The following ADAMTS3 variants were observed in gnomAD, a reference collection of about 807,000 sequenced individuals.
ADAMTS3 encodes the protein A disintegrin and metalloproteinase with thrombospondin motifs 3.
In ADAMTS3, 73 loss-of-function variants were observed where a neutral mutation model predicts 129.0. The ratio of observed to expected loss-of-function variants is 0.57; its 90% CI spans 0.47 to 0.69. The LOEUF is 0.69. Ranked by LOEUF, ADAMTS3 falls within the 30% of genes least tolerant of loss-of-function variation. ADAMTS3 has a pLI of 0.00. For missense variants in ADAMTS3, 1,457 were observed against 1,514.5 expected (o/e 0.96, Z 0.63); for synonymous variants, 477 against 510.8 (o/e 0.93, Z 0.89).
At chr4:72,342,452 C>T (rs1318101528) in intron 4 of ADAMTS3, among the ~76,000 whole-genome samples, 1 of 151,208 alleles carries the variant, frequency 6.6e-6, no homozygotes, top group East Asian at 2.0e-4. Context: ...CAACCTCTGC[C>T]TCCCCGGTTC....
At chr4:72,359,788 T>C (rs931184679) in intron 4 of ADAMTS3, among the ~76,000 whole-genome samples, 2 of 152,218 alleles carry the variant, frequency 1.3e-5, no homozygotes, top group East Asian at 1.9e-4. Context: ...CACATTACCA[T>C]TTAATGTATT....
Position 72,568,815 on chromosome 4 carries a change from A to AAAC in ADAMTS3, c.-54_-53insGTT. The AAAC allele has an allele frequency of 3.5e-6, 4 of 1,149,994 alleles. No homozygotes were observed. Among genetic ancestry groups the AAAC allele is most frequent in the Non-Finnish European group, 3.5e-6 (3 of 850,602 alleles). The allele number at this position is 1,149,994 out of a possible 1,614,324, so 71.2% of individuals were successfully genotyped here. A position where few individuals can be genotyped will look rare whatever the true frequency, so the allele number is the denominator to read the frequency against. ...TGGGCAAAGCAAATGCCCAGAGCAA[A>AAAC]CCCACCCCCCCCGCCCAAAATAAGT... is the stretch of plus-strand genomic sequence containing the variant. On this transcript the variant is annotated 5_prime_UTR_variant, in exon 1 of 22. Coordinates refer to ENST00000286657, the MANE Select transcript of ADAMTS3 (RefSeq NM_014243.3).
At chr4:72,479,108 G>A (rs1212756850) in intron 3 of ADAMTS3, among the ~76,000 whole-genome samples, 4 of 152,138 alleles carry the variant, frequency 2.6e-5, no homozygotes, top group African/African-American at 9.7e-5. Context: ...CCTGAGAATG[G>A]CCATACTGCC....
chr4:72,363,026 AG>A (rs1720768733), intron 4 of ADAMTS3, among the ~76,000 whole-genome samples: 2 of 152,104 alleles, frequency 1.3e-5, no homozygotes, highest in Admixed American at 6.6e-5. Context: ...CAGGAACTAC[AG>A]GATCCAAAAT....
Position 72,319,476 on chromosome 4 carries a change from C to T in ADAMTS3, c.1209-1G>A. On this transcript the variant is annotated splice_acceptor_variant, in intron 8 of 21. Coordinates refer to ENST00000286657, the MANE Select transcript of ADAMTS3 (RefSeq NM_014243.3). LOFTEE classifies it high-confidence loss of function. Reference sequence around the variant, plus strand: ...TTGTCCATCATGCTCCATTCCCAACCTAGAACACAAAGAGACCTCAGTGGT... The same window carrying T: ...TTGTCCATCATGCTCCATTCCCAACTTAGAACACAAAGAGACCTCAGTGGT... The T allele has an allele frequency of 6.2e-7, 1 of 1,609,426 alleles. No individual in the cohort carries two copies. The highest frequency in any genetic ancestry group is 8.5e-7 in the Non-Finnish European group (1 of 1,178,766).
chr4:72,520,921 C>T (rs569466495), intron 3 of ADAMTS3, among the ~76,000 whole-genome samples: 5 of 152,210 alleles, frequency 3.3e-5, no homozygotes, highest in African/African-American at 1.2e-4. Flanking sequence ...CAGAAATCAC[C>T]CGTCTTCTGC....
intron 4 of ADAMTS3, among the ~76,000 whole-genome samples, chr4:72,360,817 G>A (rs1247678895): frequency 6.6e-6 from 1 of 151,150 alleles, no homozygotes; most frequent in Non-Finnish European, 1.5e-5. Context: ...TTCTCTCTTG[G>A]TACAAAACAT....
intron 2 of ADAMTS3, among the ~76,000 whole-genome samples, chr4:72,565,097 C>T (rs987100717): frequency 2.0e-5 from 3 of 152,150 alleles, no homozygotes; most frequent in African/African-American, 7.2e-5. Flanking sequence ...TATATGCACC[C>T]TCCTACATCT....
intron 3 of ADAMTS3, among the ~76,000 whole-genome samples, chr4:72,499,534 T>C: frequency 6.6e-6 from 1 of 152,162 alleles, no homozygotes; most frequent in South Asian, 2.1e-4. Flanking sequence ...ACTTCCTATA[T>C]TACACCGACC....
chr4:72,283,825 G>A (rs1300900492), intron 21 of ADAMTS3, 121 bp from the exon 22 acceptor site: 2 of 757,300 alleles, frequency 2.6e-6, no homozygotes, highest in Non-Finnish European at 4.1e-6. Context: ...ACTAACGGGA[G>A]TGATCCACAC....
At position 72,548,498 on chromosome 4, in the gene ADAMTS3, T is replaced by C; in HGVS notation, c.484A>G (p.Ile162Val). Residue 162 changes from isoleucine (I) to valine (V), a missense_variant, in exon 3 of 22, where the codon ATC (isoleucine) becomes GTC (valine). Physicochemically the swap from Ile to Val is conservative, Grantham distance 29. Transcript: ENST00000286657. ...CTTACCAGACCATCACAGTTGCTGA[T>C]GGCAACAGAGGTTCCTGGAATGTCC... ...IVDIPGTSVAISNCDGLAGMI... is the reference protein window; with the variant it reads ...IVDIPGTSVAVSNCDGLAGMI... 3 of 1,613,778 alleles carry C rather than the reference T, an allele frequency of 1.9e-6. No individual in the cohort carries two copies. Among genetic ancestry groups the C allele is most frequent in the Non-Finnish European group, 1.7e-6 (2 of 1,179,764 alleles).
At chr4:72,310,524 C>T (rs974538404) in intron 14 of ADAMTS3, among the ~76,000 whole-genome samples, 2 of 151,926 alleles carry the variant, frequency 1.3e-5, no homozygotes, top group African/African-American at 4.8e-5. Flanking sequence ...ACTATGAACA[C>T]AAGAAATAAA....
At chr4:72,481,045 A>C (rs1719421522) in intron 3 of ADAMTS3, among the ~76,000 whole-genome samples, 1 of 152,158 alleles carries the variant, frequency 6.6e-6, no homozygotes, top group African/African-American at 2.4e-5. Flanking sequence ...TATTGGTGAA[A>C]GAAATCAAAG....
At chr4:72,444,095 C>T (rs570453221) in intron 3 of ADAMTS3, among the ~76,000 whole-genome samples, 4 of 151,890 alleles carry the variant, frequency 2.6e-5, no homozygotes, top group African/African-American at 7.2e-5. Flanking sequence ...GCAGGCTGCA[C>T]AGCTATTATG....
At chr4:72,373,889 C>A (rs545923398) in intron 4 of ADAMTS3, among the ~76,000 whole-genome samples, 217 of 146,706 alleles carry the variant, frequency 1.5e-3, no homozygotes, top group African/African-American at 5.1e-3. Context: ...GTCAGCAAGA[C>A]CCCATCTCAA....
intron 2 of ADAMTS3, among the ~76,000 whole-genome samples, chr4:72,556,171 C>G (rs1375075649): frequency 8.4e-6 from 1 of 118,410 alleles, no homozygotes; most frequent in African/African-American, 3.2e-5. Flanking sequence ...ACCAATGGCT[C>G]TGTCTGGAAG....
intron 19 of ADAMTS3, among the ~76,000 whole-genome samples, chr4:72,292,982 C>A (rs1428758166): frequency 6.6e-6 from 1 of 152,106 alleles, no homozygotes. Flanking sequence ...TACCTCCATT[C>A]CCTCCTAAGA....
chr4:72,443,693 G>GA (rs35934839), intron 3 of ADAMTS3, among the ~76,000 whole-genome samples: 42,705 of 142,768 alleles, frequency 0.3, 6,469 homozygotes, highest in East Asian at 0.45. Context: ...CGTTCGAATG[G>GA]AAAAAAAAAA....
intron 4 of ADAMTS3, among the ~76,000 whole-genome samples, chr4:72,348,731 T>C (rs898867296): frequency 6.6e-6 from 1 of 151,824 alleles, no homozygotes; most frequent in Non-Finnish European, 1.5e-5. Context: ...GGAAGTTTGA[T>C]GTACCATTGC....
Sources: gnomAD v4.1 joint callset for allele counts (sites outside exome capture counted in the v4.1 genomes callset) on GRCh38, gnomAD v4.1.1 for gene constraint, MANE v1.5 for transcripts, NCBI Gene and HGNC (gene_info 2026-07-23, HGNC 2026-07-21) for gene names.